MDGA2: variants seen among roughly 807,000 people sequenced by gnomAD.
MDGA2 encodes MAM domain containing glycosylphosphatidylinositol anchor 2.
MDGA2 carries 40 observed loss-of-function variants against 117.8 expected under a neutral mutation model. The observed-to-expected ratio is 0.34, with a 90% CI of 0.26 to 0.44. The LOEUF (loss-of-function observed/expected upper bound fraction) is 0.44, where lower values mean the gene tolerates loss of function less well. Ranked by LOEUF, MDGA2 falls within the 20% of genes least tolerant of loss-of-function variation. The pLI is 1.00. For synonymous variants in MDGA2, 452 were observed against 439.0 expected (o/e 1.03, Z -0.37); for missense variants, 1,123 against 1,250.6 (o/e 0.90, Z 1.54).
chr14:47,015,066 T>G (rs541036394), intron 8 of MDGA2, among the ~76,000 whole-genome samples: 6 of 152,204 alleles, frequency 3.9e-5, no homozygotes, highest in South Asian at 2.1e-4. Flanking sequence ...TCTCAGTGAA[T>G]AGGGAGACCC....
At chr14:47,298,299 A>G (rs10483579) in intron 2 of MDGA2, among the ~76,000 whole-genome samples, 4 of 152,048 alleles carry the variant, frequency 2.6e-5, no homozygotes, top group East Asian at 1.9e-4. Context: ...GGATACATCA[A>G]TACTCTCAGG....
At chr14:47,278,933 C>A (rs1487928363) in intron 2 of MDGA2, among the ~76,000 whole-genome samples, 8 of 152,038 alleles carry the variant, frequency 5.3e-5, no homozygotes, top group African/African-American at 1.9e-4. Flanking sequence ...AGTTTGACAT[C>A]AGAATATATA....
intron 1 of MDGA2, among the ~76,000 whole-genome samples, chr14:47,332,608 C>G (rs1954414528): frequency 6.6e-6 from 1 of 151,896 alleles, no homozygotes; most frequent in South Asian, 2.1e-4. Context: ...TGTAAAACAT[C>G]TTTCAGAAAA....
At chr14:47,532,520 A>G (rs910630315) in intron 1 of MDGA2, among the ~76,000 whole-genome samples, 2 of 152,112 alleles carry the variant, frequency 1.3e-5, no homozygotes, top group Non-Finnish European at 2.9e-5. Flanking sequence ...TCTCTCTTCT[A>G]TTTCAGTCCA....
chr14:46,972,923 A>G (rs918524868), intron 8 of MDGA2, among the ~76,000 whole-genome samples: 1 of 152,168 alleles, frequency 6.6e-6, no homozygotes, highest in Non-Finnish European at 1.5e-5. Flanking sequence ...AAAACTCAAT[A>G]ATAAGAAAAT....
intron 7 of MDGA2, among the ~76,000 whole-genome samples, chr14:47,050,095 C>G (rs1045597312): frequency 1.1e-4 from 16 of 151,918 alleles, no homozygotes; most frequent in South Asian, 4.2e-4. Flanking sequence ...ATCTCTGGAG[C>G]CTAAAATCTC....
intron 6 of MDGA2, among the ~76,000 whole-genome samples, chr14:47,069,912 C>A (rs2138832294): frequency 6.6e-6 from 1 of 152,208 alleles, no homozygotes; most frequent in East Asian, 1.9e-4. Context: ...ATCTTAATTG[C>A]CTTATCTGGT....
At chr14:47,257,624 TG>T (rs1361810976) in intron 2 of MDGA2, among the ~76,000 whole-genome samples, 2 of 152,184 alleles carry the variant, frequency 1.3e-5, no homozygotes, top group Non-Finnish European at 2.9e-5. Flanking sequence ...ACGCAATTTT[TG>T]TAATTATTGA....
intron 1 of MDGA2, among the ~76,000 whole-genome samples, chr14:47,531,200 A>G (rs1895093162): frequency 6.6e-6 from 1 of 152,156 alleles, no homozygotes; most frequent in Non-Finnish European, 1.5e-5. Context: ...AGCCAAGATC[A>G]TGCCACTGCA....
chr14:47,204,455 C>A (rs1169344850), intron 3 of MDGA2, among the ~76,000 whole-genome samples: 1 of 151,912 alleles, frequency 6.6e-6, no homozygotes, highest in Non-Finnish European at 1.5e-5. Context: ...AAGGTTAATG[C>A]ACTTACTGAA....
intron 1 of MDGA2, among the ~76,000 whole-genome samples, chr14:47,401,057 G>A (rs1017532578): frequency 5.9e-5 from 9 of 151,486 alleles, no homozygotes; most frequent in East Asian, 2.0e-4. Context: ...GTGCCCGGCC[G>A]GCATTTTTTT....
chr14:47,562,180 G>C (rs1895829464), intron 1 of MDGA2, among the ~76,000 whole-genome samples: 1 of 152,128 alleles, frequency 6.6e-6, no homozygotes, highest in African/African-American at 2.4e-5. Context: ...ATAGCAGCCT[G>C]AAGTTGTATT....
At chr14:47,530,928 G>A (rs549176138) in intron 1 of MDGA2, among the ~76,000 whole-genome samples, 2 of 152,208 alleles carry the variant, frequency 1.3e-5, no homozygotes, top group Admixed American at 1.3e-4. Flanking sequence ...ACACCTTTAA[G>A]TTTTTAGACT....
intron 2 of MDGA2, among the ~76,000 whole-genome samples, chr14:47,291,580 A>T (rs1317460979): frequency 6.6e-6 from 1 of 152,192 alleles, no homozygotes; most frequent in African/African-American, 2.4e-5. Flanking sequence ...AAACATGCTT[A>T]GAACACTTAC....
chr14:47,014,680 A>T lies in MDGA2; in HGVS notation c.1819+20331T>A, dbSNP rs188711697. ...TTTCTTCACCTCTCTCAGCCTTCAT[A>T]GAATTGAAGAGAATTTAGGTTCTTG... On this transcript the variant is annotated intron_variant, in intron 8 of 16. Transcript: ENST00000399232. Among the ~76,000 whole-genome samples, 281 of 152,320 alleles carry T rather than the reference A, an allele frequency of 1.8e-3. 1 individual carries two copies. Among genetic ancestry groups the T allele is most frequent in the African/African-American group, 6.4e-3 (268 of 41,568 alleles).
At chr14:47,467,785 T>C (rs1893634834) in intron 1 of MDGA2, among the ~76,000 whole-genome samples, 1 of 152,260 alleles carries the variant, frequency 6.6e-6, no homozygotes, top group Non-Finnish European at 1.5e-5. Context: ...AGTGCATTTT[T>C]GATGCCAATA....
At chr14:47,069,645 G>A (rs533049509) in intron 6 of MDGA2, among the ~76,000 whole-genome samples, 8 of 152,306 alleles carry the variant, frequency 5.3e-5, no homozygotes, top group African/African-American at 1.9e-4. Context: ...GTAATTAGAA[G>A]CCATGGAGTT....
intron 1 of MDGA2, among the ~76,000 whole-genome samples, chr14:47,557,701 A>G (rs551069855): frequency 6.6e-6 from 1 of 152,360 alleles, no homozygotes; most frequent in South Asian, 2.1e-4. Flanking sequence ...GCTATATGGC[A>G]TCATGTTCTA....
intron 1 of MDGA2, among the ~76,000 whole-genome samples, chr14:47,605,509 T>G (rs1019192438): frequency 5.9e-5 from 9 of 152,082 alleles, no homozygotes; most frequent in Non-Finnish European, 1.0e-4. Context: ...TCTATAAACA[T>G]TACAGATAGA....
Sources: allele counts gnomAD v4.1 joint callset (sites outside exome capture counted in the v4.1 genomes callset), GRCh38; gene constraint gnomAD v4.1.1; transcripts MANE v1.5; gene names NCBI Gene and HGNC (gene_info 2026-07-23, HGNC 2026-07-21).